The following MTHFS variants were observed in gnomAD, a reference collection of about 807,000 sequenced individuals.
MTHFS encodes the protein 5-formyltetrahydrofolate cyclo-ligase.
MTHFS carries 7 observed loss-of-function variants against 12.7 expected under a neutral mutation model. The observed-to-expected ratio is 0.55, with a 90% confidence interval of 0.31 to 1.03. MTHFS has a LOEUF of 1.03. MTHFS is among the 50% of genes least tolerant of loss of function. MTHFS has a pLI of 0.05. For synonymous variants in MTHFS, 100 were observed against 97.1 expected, an observed-to-expected ratio of 1.03 and a Z score of -0.18; for missense variants, 252 against 258.1, an observed-to-expected ratio of 0.98 and a Z score of 0.16.
At chr15:79,897,114 C>CT (rs1016420234), upstream of MTHFS, 14 of 859,802 alleles carry the variant, frequency 1.6e-5, no homozygotes, top group African/African-American at 2.3e-4. Flanking sequence ...GGGAAGCGCC[C>CT]CCACCCCGCT....
intron 1 of MTHFS, among the ~76,000 whole-genome samples, chr15:79,895,270 T>C (rs996008501): frequency 6.6e-5 from 10 of 152,232 alleles, no homozygotes; most frequent in Non-Finnish European, 7.3e-5. Context: ...CCCTATCCCA[T>C]CTTTCCCTTC....
At chr15:79,875,458 T>C (rs79205400) in intron 2 of MTHFS, among the ~76,000 whole-genome samples, 2,354 of 152,194 alleles carry the variant, frequency 0.015, 78 homozygotes, top group African/African-American at 0.054. Context: ...GAAGACACAA[T>C]GCCAAGACAA....
At chr15:79,866,012 G>C (rs914299090) in intron 2 of MTHFS, among the ~76,000 whole-genome samples, 2 of 151,162 alleles carry the variant, frequency 1.3e-5, no homozygotes, top group African/African-American at 4.9e-5. Context: ...TGAGGGAAGA[G>C]AGAAAACAGT....
At chr15:79,887,589 G>A (rs529532888) in intron 2 of MTHFS, among the ~76,000 whole-genome samples, 88 of 152,320 alleles carry the variant, frequency 5.8e-4, no homozygotes, top group African/African-American at 2.0e-3. Flanking sequence ...AGTATCCTGG[G>A]TTCCACCATT....
At chr15:79,865,040 G>A (rs1401358560) in intron 2 of MTHFS, among the ~76,000 whole-genome samples, 4 of 152,156 alleles carry the variant, frequency 2.6e-5, no homozygotes, top group Non-Finnish European at 5.9e-5. Flanking sequence ...CTTTGTTTCA[G>A]GGGAGAGGTT....
In MTHFS at chr15:79,844,586, T is replaced by C. The variant is rs193040406; in HGVS notation, c.*624A>G. 3.3e-5 allele frequency among the ~76,000 whole-genome samples: 5 copies of C among 152,248 alleles called. No homozygotes were observed. The highest frequency in any genetic ancestry group is 6.5e-5 in the Admixed American group (1 of 15,296). ...TTCTAACTTATAAGATACTAGATCTTAAACTCATCAAGGGCTGATACATGC... is the reference window on the plus strand; with the variant it reads ...TTCTAACTTATAAGATACTAGATCTCAAACTCATCAAGGGCTGATACATGC... On this transcript the variant is annotated 3_prime_UTR_variant, in exon 3 of 3. Coordinates refer to ENST00000258874, the MANE Select transcript of MTHFS (RefSeq NM_006441.4).
intron 2 of MTHFS, chr15:79,876,318 A>C (rs1343457661): frequency 6.6e-6 from 1 of 152,254 alleles, no homozygotes; most frequent in Admixed American, 6.6e-5. Flanking sequence ...TTCTGTTCAA[A>C]AAAACTAAAG....
At chr15:79,847,410 C>A (rs909117631) in intron 2 of MTHFS, among the ~76,000 whole-genome samples, 2 of 152,048 alleles carry the variant, frequency 1.3e-5, no homozygotes, top group Non-Finnish European at 1.5e-5. Flanking sequence ...ACAGGATGGG[C>A]ACGGTGGCTC....
In MTHFS at chr15:79,872,056, G is replaced by A. The variant is rs1280610621; in HGVS notation, c.379+17037C>T. 4.2e-5 allele frequency among the ~76,000 whole-genome samples: 5 copies of A among 118,970 alleles called. No homozygotes were observed. The South Asian group carries it at 1.3e-3, about 32-fold the overall frequency. The allele number at this position is 118,970 out of a possible 152,430, so 78.0% of individuals were successfully genotyped here. On this transcript the variant is annotated intron_variant, in intron 2 of 2. Coordinates refer to ENST00000258874, the MANE Select transcript of MTHFS (RefSeq NM_006441.4). ...GGAGGTGGAGGTTGCACTGAGCTGA[G>A]ATAACACCACTGCACTCCAGCCTGG...
chr15:79,874,336 G>C (rs564401569), intron 2 of MTHFS, among the ~76,000 whole-genome samples: 1 of 152,038 alleles, frequency 6.6e-6, no homozygotes, highest in East Asian at 1.9e-4. Flanking sequence ...CCTCTCCCCA[G>C]CTTCATGGTA....
chr15:79,866,236 T>C (rs1013380821), intron 2 of MTHFS, among the ~76,000 whole-genome samples: 2 of 152,176 alleles, frequency 1.3e-5, no homozygotes, highest in African/African-American at 2.4e-5. Flanking sequence ...GTCCAGAAGA[T>C]AACTATTTGA....
At position 79,844,079 on chromosome 15, in the gene MTHFS, C is replaced by A. The variant is rs2033567054; in HGVS notation, c.*1131G>T. 1 of 152,194 alleles carries A rather than the reference C, an allele frequency of 6.6e-6. No individual in the cohort carries two copies. The highest frequency in any genetic ancestry group is 1.5e-5 in the Non-Finnish European group (1 of 68,062). 9.4% of individuals were successfully genotyped at this position (152,194 alleles called of 1,614,324 possible). ...AGGCTAGAAAAAGTAGATGAGGAGA[C>A]CTCTCTTAAGGGGCTTTGTATACAA... On this transcript the variant is annotated 3_prime_UTR_variant, in exon 3 of 3. Transcript: ENST00000258874.
At chr15:79,888,760 A>T in intron 2 of MTHFS, among the ~76,000 whole-genome samples, 1 of 152,246 alleles carries the variant, frequency 6.6e-6, no homozygotes, top group East Asian at 1.9e-4. Flanking sequence ...TTGAGAAGAT[A>T]TAAGTGCTCA....
At chr15:79,879,519 T>A (rs2034260665) in intron 2 of MTHFS, among the ~76,000 whole-genome samples, 5 of 151,996 alleles carry the variant, frequency 3.3e-5, no homozygotes. Context: ...ATTTGTGAAT[T>A]TTATTTATCT....
In MTHFS at chr15:79,865,755, C is replaced by CAAA. The variant is rs561321845; in HGVS notation, c.380-20314_380-20313insTTT. On this transcript the variant is annotated intron_variant, in intron 2 of 2. Transcript: ENST00000258874. Reference sequence around the variant, plus strand: ...CTGCCCCTGCAAATACTGGGCTATGCTGACAAAAACCAACCATGGAGAAAA... The same window carrying CAAA: ...CTGCCCCTGCAAATACTGGGCTATGCAAATGACAAAAACCAACCATGGAGAAAA... Among the ~76,000 whole-genome samples, 95 of 152,342 alleles carry CAAA rather than the reference C, an allele frequency of 6.2e-4. 1 individual carries two copies. The highest frequency in any genetic ancestry group is 2.5e-3 in the Admixed American group (38 of 15,308).
chr15:79,862,904 C>A (rs996043015), intron 2 of MTHFS, among the ~76,000 whole-genome samples: 1 of 152,192 alleles, frequency 6.6e-6, no homozygotes. Context: ...GGGCACACCC[C>A]AAGACCATAC....
intron 1 of MTHFS, among the ~76,000 whole-genome samples, chr15:79,893,359 G>A (rs1193144878): frequency 2.6e-5 from 4 of 151,196 alleles, no homozygotes; most frequent in Non-Finnish European, 5.9e-5. Flanking sequence ...CCAAGATTGC[G>A]CCACTGCACT....
At chr15:79,856,108 G>A (rs1397224078) in intron 2 of MTHFS, among the ~76,000 whole-genome samples, 22 of 152,148 alleles carry the variant, frequency 1.4e-4, no homozygotes, top group Non-Finnish European at 8.8e-5. Context: ...TTCCCACAAT[G>A]GCTGAACTAA....
chr15:79,862,828 T>C (rs1234858695), intron 2 of MTHFS, among the ~76,000 whole-genome samples: 1 of 152,182 alleles, frequency 6.6e-6, no homozygotes, highest in Non-Finnish European at 1.5e-5. Context: ...GGCAAATTGA[T>C]CTTGGTCCAT....
Sources: allele counts gnomAD v4.1 joint callset (sites outside exome capture counted in the v4.1 genomes callset), GRCh38; gene constraint gnomAD v4.1.1; transcripts MANE v1.5; gene names NCBI Gene and HGNC (gene_info 2026-07-23, HGNC 2026-07-21).